THSD7B: variants seen among roughly 807,000 people sequenced by gnomAD.
THSD7B encodes the protein thrombospondin type 1 domain containing 7B.
A neutral mutation model predicts 213.6 loss-of-function variants in THSD7B; 138 were observed. The ratio of observed to expected loss-of-function variants is 0.65; its 90% CI spans 0.56 to 0.74. THSD7B has a LOEUF of 0.74. Ranked by LOEUF, THSD7B falls within the 30% of genes least tolerant of loss-of-function variation. The pLI, the probability that THSD7B is intolerant of heterozygous loss-of-function variation, is 0.00. For missense variants in THSD7B, 1,931 were observed against 1,991.5 expected, an observed-to-expected ratio of 0.97 and a Z score of 0.58; for synonymous variants, 742 against 687.0, an observed-to-expected ratio of 1.08 and a Z score of -1.25.
At chr2:137,016,599 A>T (rs75694561) in intron 2 of THSD7B, among the ~76,000 whole-genome samples, 1 of 152,302 alleles carries the variant, frequency 6.6e-6, no homozygotes, top group Non-Finnish European at 1.5e-5. Flanking sequence ...ATTATGTGTT[A>T]TTTAATTCTC....
intron 1 of THSD7B, among the ~76,000 whole-genome samples, chr2:136,775,973 A>C (rs1174303723): frequency 1.3e-5 from 2 of 152,132 alleles, no homozygotes; most frequent in Non-Finnish European, 2.9e-5. Flanking sequence ...CCTCAAGGCA[A>C]ATTCAGCCAA....
chr2:137,123,579 A>G (rs1411962264), intron 5 of THSD7B, among the ~76,000 whole-genome samples: 2 of 152,090 alleles, frequency 1.3e-5, no homozygotes, highest in Non-Finnish European at 2.9e-5. Context: ...AAGTATTAGC[A>G]CTCAAATTCT....
At chr2:137,363,846 T>C (rs902759665) in intron 12 of THSD7B, among the ~76,000 whole-genome samples, 7 of 152,178 alleles carry the variant, frequency 4.6e-5, no homozygotes, top group African/African-American at 1.7e-4. Flanking sequence ...TCTGAAACTA[T>C]TCCAATCAAT....
At chr2:137,566,970 C>G (rs1272725078) in intron 16 of THSD7B, among the ~76,000 whole-genome samples, 1 of 151,842 alleles carries the variant, frequency 6.6e-6, no homozygotes, top group Non-Finnish European at 1.5e-5. Flanking sequence ...AAAGAGGATT[C>G]CAGGGACAAG....
At chr2:137,554,595 G>T (rs538518744) in intron 15 of THSD7B, among the ~76,000 whole-genome samples, 3 of 152,126 alleles carry the variant, frequency 2.0e-5, no homozygotes, top group Non-Finnish European at 2.9e-5. Flanking sequence ...AATAGGATCA[G>T]CTCCAGTCTA....
At chr2:137,087,692 G>C (rs1258414034) in intron 3 of THSD7B, among the ~76,000 whole-genome samples, 5 of 152,168 alleles carry the variant, frequency 3.3e-5, no homozygotes, top group African/African-American at 1.2e-4. Context: ...TTATGGATGG[G>C]TAGAATCTAT....
At chr2:137,255,645 A>G (rs147523631) in intron 10 of THSD7B, among the ~76,000 whole-genome samples, 5 of 152,230 alleles carry the variant, frequency 3.3e-5, no homozygotes, top group African/African-American at 1.2e-4. Flanking sequence ...CATCTCATTC[A>G]GACTTTCACT....
intron 2 of THSD7B, among the ~76,000 whole-genome samples, chr2:136,912,511 C>A (rs754088708): frequency 2.0e-5 from 3 of 151,942 alleles, no homozygotes; most frequent in Non-Finnish European, 2.9e-5. Flanking sequence ...GTTTTATCAC[C>A]TGTAAATAGG....
chr2:137,125,667 G>A (rs1421218686), intron 5 of THSD7B, among the ~76,000 whole-genome samples: 2 of 152,114 alleles, frequency 1.3e-5, no homozygotes, highest in South Asian at 2.1e-4. Context: ...GTTCTTAATG[G>A]CATCTAGAAT....
chr2:137,398,663 A>T (rs1295167243), intron 12 of THSD7B, among the ~76,000 whole-genome samples: 2 of 152,108 alleles, frequency 1.3e-5, no homozygotes, highest in Non-Finnish European at 2.9e-5. Flanking sequence ...AGAGGCAGGC[A>T]GGCCTCCTTG....
intron 1 of THSD7B, among the ~76,000 whole-genome samples, chr2:136,873,710 A>G (rs1403178731): frequency 2.0e-5 from 3 of 152,210 alleles, no homozygotes; most frequent in African/African-American, 7.2e-5. Flanking sequence ...CAATAGTAAT[A>G]ATGACAACCC....
At chr2:137,107,035 T>C (rs896999450) in intron 4 of THSD7B, among the ~76,000 whole-genome samples, 5 of 152,146 alleles carry the variant, frequency 3.3e-5, no homozygotes, top group African/African-American at 9.7e-5. Flanking sequence ...GCAATCCCAT[T>C]ACTGGGTATA....
At chr2:137,093,026 A>G (rs1573818448) in intron 3 of THSD7B, among the ~76,000 whole-genome samples, 1 of 152,216 alleles carries the variant, frequency 6.6e-6, no homozygotes, top group South Asian at 2.1e-4. Context: ...TTTAGTTTAC[A>G]TTCTTCGAAT....
chr2:136,860,695 T>C (rs1478015437), intron 1 of THSD7B, among the ~76,000 whole-genome samples: 1 of 152,196 alleles, frequency 6.6e-6, no homozygotes, highest in Non-Finnish European at 1.5e-5. Context: ...CTGCATCATA[T>C]CTAGTCTCCT....
chr2:137,521,493 C>A (rs1232912986), intron 15 of THSD7B, among the ~76,000 whole-genome samples: 1 of 152,156 alleles, frequency 6.6e-6, no homozygotes, highest in Non-Finnish European at 1.5e-5. Context: ...AAATCTCCCC[C>A]ATCCCTCTTT....
chr2:136,956,392 C>A (rs1036259241), intron 2 of THSD7B, among the ~76,000 whole-genome samples: 2 of 152,150 alleles, frequency 1.3e-5, no homozygotes, highest in African/African-American at 4.8e-5. Context: ...TCTTTGGAAG[C>A]CTTACAAGTT....
chr2:137,298,931 C>T (rs1321019537), intron 12 of THSD7B, among the ~76,000 whole-genome samples: 4 of 152,284 alleles, frequency 2.6e-5, no homozygotes, highest in Middle Eastern at 3.4e-3. Flanking sequence ...TTGGAGTCCC[C>T]ACACAGAGTC....
At chr2:137,634,083 GA>G (rs1409062887) in intron 20 of THSD7B, among the ~76,000 whole-genome samples, 1 of 152,100 alleles carries the variant, frequency 6.6e-6, no homozygotes, top group African/African-American at 2.4e-5. Context: ...TCCATAGGGG[GA>G]AAACCCTTGA....
chr2:136,896,322 C>A (rs1683958897), intron 2 of THSD7B, among the ~76,000 whole-genome samples: 1 of 152,086 alleles, frequency 6.6e-6, no homozygotes, highest in Non-Finnish European at 1.5e-5. Context: ...TTCACTATAT[C>A]TTTGAAAGTA....
Sources: gnomAD v4.1 joint callset for allele counts (sites outside exome capture counted in the v4.1 genomes callset) on GRCh38, gnomAD v4.1.1 for gene constraint, MANE v1.5 for transcripts, NCBI Gene and HGNC (gene_info 2026-07-23, HGNC 2026-07-21) for gene names.